DOCK3: variants seen among roughly 807,000 people sequenced by gnomAD.
DOCK3 encodes the protein dedicator of cytokinesis 3.
A neutral mutation model predicts 265.6 loss-of-function variants in DOCK3; 60 were observed. The observed-to-expected ratio is 0.23, with a 90% confidence interval of 0.18 to 0.28. DOCK3 has a LOEUF of 0.28. Among genes scored for constraint, DOCK3 ranks in the 10% least tolerant of loss-of-function variants. DOCK3 has a pLI of 1.00. For synonymous variants in DOCK3, 881 were observed against 938.0 expected, an observed-to-expected ratio of 0.94 and a Z score of 1.11; for missense variants, 1,981 against 2,594.3, an observed-to-expected ratio of 0.76 and a Z score of 5.14.
At chr3:50,802,006 A>G (rs2043098245) in intron 2 of DOCK3, among the ~76,000 whole-genome samples, 1 of 152,178 alleles carries the variant, frequency 6.6e-6, no homozygotes, top group Non-Finnish European at 1.5e-5. Flanking sequence ...ATATAAGTAT[A>G]GCTATTCATG....
chr3:51,175,798 T>G (rs2086908942), intron 12 of DOCK3, among the ~76,000 whole-genome samples: 1 of 152,154 alleles, frequency 6.6e-6, no homozygotes, highest in African/African-American at 2.4e-5. Context: ...TATAATAACT[T>G]TAAATGAAAG....
chr3:51,056,062 C>T (rs1003290679), intron 5 of DOCK3, among the ~76,000 whole-genome samples: 29 of 152,198 alleles, frequency 1.9e-4, no homozygotes, highest in African/African-American at 6.7e-4. Flanking sequence ...ATTTTCATAT[C>T]GCTTCTTTGC....
intron 9 of DOCK3, among the ~76,000 whole-genome samples, chr3:51,144,925 C>T (rs2085229419): frequency 1.3e-5 from 2 of 152,150 alleles, no homozygotes; most frequent in Non-Finnish European, 2.9e-5. Flanking sequence ...GCACAGTTTT[C>T]CTTTACAGTT....
At chr3:50,930,245 G>C (rs1469140317) in intron 4 of DOCK3, among the ~76,000 whole-genome samples, 1 of 152,194 alleles carries the variant, frequency 6.6e-6, no homozygotes, top group Non-Finnish European at 1.5e-5. Flanking sequence ...ATTAATCTTA[G>C]TAAAACACAA....
chr3:51,283,781 C>T (rs973907205), intron 27 of DOCK3, among the ~76,000 whole-genome samples: 2 of 151,676 alleles, frequency 1.3e-5, no homozygotes, highest in Non-Finnish European at 2.9e-5. Flanking sequence ...TAAACCTCCC[C>T]GTTCTGGGAA....
At chr3:50,736,386 C>T (rs1238809434) in intron 1 of DOCK3, among the ~76,000 whole-genome samples, 3 of 152,140 alleles carry the variant, frequency 2.0e-5, no homozygotes, top group Non-Finnish European at 4.4e-5. Context: ...TTTATAGCAG[C>T]ATGATTTATA....
intron 26 of DOCK3, chr3:51,278,463 A>C (rs2080934995): frequency 3.0e-6 from 3 of 985,268 alleles, no homozygotes; most frequent in Non-Finnish European, 3.6e-6. Context: ...ATCTCTCTGA[A>C]GAAAACCCTC....
chr3:51,218,302 C>T (rs1308551474), intron 14 of DOCK3, among the ~76,000 whole-genome samples: 3 of 151,818 alleles, frequency 2.0e-5, no homozygotes, highest in Non-Finnish European at 4.4e-5. Context: ...GGCATGGTGG[C>T]GTTCACCTGT....
intron 2 of DOCK3, among the ~76,000 whole-genome samples, chr3:50,799,697 A>G (rs2042975929): frequency 6.6e-6 from 1 of 151,880 alleles, no homozygotes; most frequent in South Asian, 2.1e-4. Context: ...GATGCCTCTT[A>G]TTTATTTTTC....
chr3:51,275,098 T>G lies in DOCK3; in HGVS notation c.2568T>G (p.Leu856=). The change falls in exon 25 of 53, where the codon CTT becomes CTG. Residue 856 remains leucine, a synonymous_variant. Coordinates refer to ENST00000266037, the MANE Select transcript of DOCK3 (RefSeq NM_004947.5). The part of the protein sequence containing the change: ...FSFSESRRIL[L]PVVLHHIHLH... ...TCCCAGAATCCCGCCGCATCCTGCT[T>G]CCTGTGGTTCTCCATCACATTCACC... The G allele has an allele frequency of 2.5e-6, 4 of 1,613,978 alleles. No homozygotes were observed. Among genetic ancestry groups the G allele is most frequent in the Non-Finnish European group, 3.4e-6 (4 of 1,179,884 alleles).
chr3:51,199,875 C>T (rs1186805348), intron 12 of DOCK3, among the ~76,000 whole-genome samples: 20 of 152,228 alleles, frequency 1.3e-4, no homozygotes, highest in African/African-American at 3.6e-4. Flanking sequence ...TCGCGGTTCA[C>T]GAAAAACCAC....
intron 10 of DOCK3, among the ~76,000 whole-genome samples, chr3:51,153,626 C>T (rs370394406): frequency 3.9e-5 from 6 of 152,152 alleles, no homozygotes; most frequent in South Asian, 2.1e-4. Flanking sequence ...TGTTCCTATT[C>T]GGCTATCTTG....
In DOCK3 at chr3:51,325,457, G is replaced by A. The variant is rs569740949; in HGVS notation, c.3403-4681G>A. On this transcript the variant is annotated intron_variant, in intron 32 of 52. Transcript: ENST00000266037. ...GGAGAAATAGGAACATTTTTACACT[G>A]TTCGTGGGAGTGTAAATTACTTCAA... is the stretch of plus-strand genomic sequence containing the variant. Among the ~76,000 whole-genome samples, 3 of 152,314 alleles carry A rather than the reference G, an allele frequency of 2.0e-5. No homozygotes were observed. The East Asian group carries it at 5.8e-4, about 29-fold the overall frequency.
At chr3:51,352,900 C>G (rs1450882920) in intron 40 of DOCK3, among the ~76,000 whole-genome samples, 1 of 152,186 alleles carries the variant, frequency 6.6e-6, no homozygotes, top group Non-Finnish European at 1.5e-5. Flanking sequence ...GCTGGGCCTT[C>G]CCCAGAAGGC....
intron 4 of DOCK3, among the ~76,000 whole-genome samples, chr3:50,909,781 G>A (rs956489867): frequency 3.3e-5 from 5 of 151,784 alleles, no homozygotes; most frequent in Admixed American, 6.6e-5. Flanking sequence ...CTTGGTTGGG[G>A]AAGATCTCCT....
intron 4 of DOCK3, among the ~76,000 whole-genome samples, chr3:50,921,067 G>A (rs1394867511): frequency 6.6e-6 from 1 of 152,198 alleles, no homozygotes; most frequent in African/African-American, 2.4e-5. Flanking sequence ...TTTAGAGTGA[G>A]TTTCTTAATC....
intron 1 of DOCK3, among the ~76,000 whole-genome samples, chr3:50,677,682 A>G (rs1017848558): frequency 1.3e-5 from 2 of 152,188 alleles, no homozygotes; most frequent in Non-Finnish European, 2.9e-5. Flanking sequence ...CCCTGATGTT[A>G]GTGAGGGAAG....
intron 5 of DOCK3, among the ~76,000 whole-genome samples, chr3:51,029,561 C>G (rs1417908875): frequency 6.6e-6 from 1 of 152,216 alleles, no homozygotes. Context: ...TGTTCATTCC[C>G]AGGCTTTGGT....
At chr3:51,131,445 T>C (rs879520689) in intron 9 of DOCK3, among the ~76,000 whole-genome samples, 5 of 152,182 alleles carry the variant, frequency 3.3e-5, no homozygotes, top group Non-Finnish European at 5.9e-5. Flanking sequence ...AAATTGTTGG[T>C]AATGTAGTAG....
Sources: gnomAD v4.1 joint callset for allele counts (sites outside exome capture counted in the v4.1 genomes callset) on GRCh38, gnomAD v4.1.1 for gene constraint, MANE v1.5 for transcripts, NCBI Gene and HGNC (gene_info 2026-07-23, HGNC 2026-07-21) for gene names.